The following CRYL1 variants were observed in gnomAD, a reference collection of about 807,000 sequenced individuals.
CRYL1 encodes crystallin lambda 1.
Under a neutral mutation model 36.6 loss-of-function variants are expected in CRYL1, and 29 were observed. That is an observed-to-expected ratio of 0.79 (90% CI 0.59 to 1.08). The LOEUF (loss-of-function observed/expected upper bound fraction) is 1.08. CRYL1 is among the 50% of genes least tolerant of loss of function. The pLI is 0.00. For missense variants in CRYL1, 411 were observed against 407.9 expected (o/e 1.01, Z -0.06); for synonymous variants, 152 against 151.5 (o/e 1.00, Z -0.02).
intron 6 of CRYL1, among the ~76,000 whole-genome samples, chr13:20,411,363 T>C (rs184499566): frequency 8.5e-5 from 13 of 152,324 alleles, no homozygotes; most frequent in Non-Finnish European, 1.6e-4. Context: ...TGCCACTCTA[T>C]TTGATTCTTG....
chr13:20,472,758 C>T (rs187250743), intron 3 of CRYL1, among the ~76,000 whole-genome samples: 23 of 152,294 alleles, frequency 1.5e-4, no homozygotes, highest in Admixed American at 3.3e-4. Flanking sequence ...GGTGGGGATT[C>T]GCTCTGCTCG....
At chr13:20,482,729 G>A (rs2137462746) in intron 3 of CRYL1, among the ~76,000 whole-genome samples, 1 of 149,666 alleles carries the variant, frequency 6.7e-6, no homozygotes, top group South Asian at 2.2e-4. Flanking sequence ...GAAGCATTGT[G>A]GCAAGCAGTC....
chr13:20,494,160 A>G (rs2033564728), intron 2 of CRYL1, among the ~76,000 whole-genome samples: 1 of 152,246 alleles, frequency 6.6e-6, no homozygotes, highest in African/African-American at 2.4e-5. Context: ...CACACTGCCC[A>G]TAAACACAAC....
intron 3 of CRYL1, among the ~76,000 whole-genome samples, chr13:20,444,910 G>T (rs2032423036): frequency 6.6e-6 from 1 of 152,152 alleles, no homozygotes; most frequent in Admixed American, 6.5e-5. Flanking sequence ...TAGAGACGGG[G>T]TTTCAGCATG....
chr13:20,489,327 T>C (rs2033461869), intron 3 of CRYL1, 43 bp downstream of exon 3: 1 of 1,608,560 alleles, frequency 6.2e-7, no homozygotes, highest in Non-Finnish European at 8.5e-7. Flanking sequence ...TGGGAGACAA[T>C]GTCTCAGGCC....
At chr13:20,452,814 T>C (rs2032598843) in intron 3 of CRYL1, among the ~76,000 whole-genome samples, 1 of 152,118 alleles carries the variant, frequency 6.6e-6, no homozygotes, top group Admixed American at 6.6e-5. Context: ...GGCAGAGGCT[T>C]TATGGGAAAT....
At chr13:20,426,778 C>A in intron 5 of CRYL1, 1 of 985,444 alleles carries the variant, frequency 1.0e-6, no homozygotes, top group Non-Finnish European at 1.2e-6. Context: ...GCAGACATGT[C>A]TGAAGTAAAG....
chr13:20,450,667 T>A (rs904852405), intron 3 of CRYL1, among the ~76,000 whole-genome samples: 2 of 152,108 alleles, frequency 1.3e-5, no homozygotes, highest in East Asian at 3.9e-4. Flanking sequence ...TCCTCAAGGA[T>A]CTAGAACTAG....
intron 5 of CRYL1, among the ~76,000 whole-genome samples, chr13:20,428,704 G>A (rs1464005219): frequency 1.3e-5 from 2 of 152,136 alleles, no homozygotes; most frequent in African/African-American, 4.8e-5. Context: ...CCTCAAATTG[G>A]AGGTCAGACC....
intron 2 of CRYL1, among the ~76,000 whole-genome samples, chr13:20,493,816 G>A (rs1168930726): frequency 6.6e-6 from 1 of 152,164 alleles, no homozygotes; most frequent in Non-Finnish European, 1.5e-5. Flanking sequence ...TTTAGAAAAG[G>A]ACACAGCCAC....
chr13:20,408,545 C>A (rs2031438342), intron 6 of CRYL1, among the ~76,000 whole-genome samples: 1 of 152,140 alleles, frequency 6.6e-6, no homozygotes, highest in Admixed American at 6.6e-5. Context: ...AGAAACAAAC[C>A]CGGCTGGGAA....
intron 3 of CRYL1, among the ~76,000 whole-genome samples, chr13:20,454,592 C>T (rs71426014): frequency 0.25 from 37,948 of 151,642 alleles, 5,339 homozygotes; most frequent in Non-Finnish European, 0.32. Context: ...TAATTTTTTT[C>T]GTATTTTTAG....
At chr13:20,451,092 G>A (rs2032562314) in intron 3 of CRYL1, among the ~76,000 whole-genome samples, 1 of 151,698 alleles carries the variant, frequency 6.6e-6, no homozygotes, top group Non-Finnish European at 1.5e-5. Context: ...GATAGCATTA[G>A]GAGATATACC....
chr13:20,432,940 C>T (rs992428849), intron 4 of CRYL1, among the ~76,000 whole-genome samples: 2 of 152,130 alleles, frequency 1.3e-5, no homozygotes, highest in Non-Finnish European at 2.9e-5. Context: ...ATCATTTAAG[C>T]CCAGGAAGTG....
intron 2 of CRYL1, among the ~76,000 whole-genome samples, chr13:20,497,156 C>T (rs1285864472): frequency 1.3e-5 from 2 of 152,002 alleles, no homozygotes; most frequent in African/African-American, 2.4e-5. Context: ...GAAATCCAAC[C>T]ACAATAGGCC....
At chr13:20,476,487 G>T (rs535426540) in intron 3 of CRYL1, among the ~76,000 whole-genome samples, 1 of 152,288 alleles carries the variant, frequency 6.6e-6, no homozygotes, top group African/African-American at 2.4e-5. Flanking sequence ...TTCCCCCAGT[G>T]GTTCAAACAG....
chr13:20,491,511 C>G (rs2033511485), intron 2 of CRYL1, among the ~76,000 whole-genome samples: 1 of 152,126 alleles, frequency 6.6e-6, no homozygotes, highest in Non-Finnish European at 1.5e-5. Context: ...GTTAGTGAGG[C>G]CAGCCACAGT....
At chr13:20,507,770 T>A (rs776779261) in intron 2 of CRYL1, among the ~76,000 whole-genome samples, 1 of 151,628 alleles carries the variant, frequency 6.6e-6, no homozygotes, top group Non-Finnish European at 1.5e-5. Flanking sequence ...TATAAAAAAT[T>A]AGCTGGGCGT....
At position 20,436,630 on chromosome 13, in the gene CRYL1, C is replaced by T. The variant is rs541387913; in HGVS notation, c.438+2963G>A. Among the ~76,000 whole-genome samples, 5 of 152,298 alleles carry T rather than the reference C, an allele frequency of 3.3e-5. No homozygotes were observed. In the South Asian group the frequency reaches 1.0e-3, roughly 32 times the overall value. Reference sequence around the variant, plus strand: ...AGTCCTGGAAGCCCACCCTAAAACCCAGCCTGAACTCCTGCGCTGGGAGTA... The same window carrying T: ...AGTCCTGGAAGCCCACCCTAAAACCTAGCCTGAACTCCTGCGCTGGGAGTA... On this transcript the variant is annotated intron_variant, in intron 4 of 7. Coordinates refer to ENST00000298248, the MANE Select transcript of CRYL1 (RefSeq NM_015974.3).
Sources: gnomAD v4.1 joint callset for allele counts (sites outside exome capture counted in the v4.1 genomes callset) on GRCh38, gnomAD v4.1.1 for gene constraint, MANE v1.5 for transcripts, NCBI Gene and HGNC (gene_info 2026-07-23, HGNC 2026-07-21) for gene names.